ABTB3: variants seen among roughly 807,000 people sequenced by gnomAD.
ABTB3 encodes ankyrin repeat and BTB domain containing 3, also known as ankyrin repeat- and BTB/POZ domain-containing protein 3.
the ABTB3 span, among the ~76,000 whole-genome samples, chr12:107,591,347 C>G: frequency 6.6e-6 from 1 of 152,192 alleles, no homozygotes. Context: ...CAGCGATCCA[C>G]AGTCTGTACA....
the ABTB3 span, among the ~76,000 whole-genome samples, chr12:107,472,048 G>C: frequency 2.0e-5 from 3 of 152,226 alleles, no homozygotes; most frequent in African/African-American, 7.2e-5. Flanking sequence ...GAAGGAAAGA[G>C]CTGGCTACCA....
At chr12:107,522,014 T>A in the ABTB3 span, among the ~76,000 whole-genome samples, 1 of 151,700 alleles carries the variant, frequency 6.6e-6, no homozygotes, top group Admixed American at 6.6e-5. Flanking sequence ...GGCTGGGAAG[T>A]CCAAGATCAA....
chr12:107,433,864 A>G, the ABTB3 span, among the ~76,000 whole-genome samples: 3 of 152,330 alleles, frequency 2.0e-5, no homozygotes. Context: ...CTGGAAGTCC[A>G]AGATCAGGGA....
chr12:107,515,962 C>T, the ABTB3 span, among the ~76,000 whole-genome samples: 1 of 151,772 alleles, frequency 6.6e-6, no homozygotes, highest in African/African-American at 2.4e-5. Context: ...AATGAGAGTG[C>T]CTCACATGTA....
the ABTB3 span, among the ~76,000 whole-genome samples, chr12:107,586,580 C>T: frequency 6.6e-6 from 1 of 152,224 alleles, no homozygotes; most frequent in Non-Finnish European, 1.5e-5. Context: ...GCCGCTGCCT[C>T]CCCCGAACTG....
At chr12:107,431,142 G>A in the ABTB3 span, among the ~76,000 whole-genome samples, 18 of 152,218 alleles carry the variant, frequency 1.2e-4, no homozygotes, top group African/African-American at 4.3e-4. Flanking sequence ...AGACCCAGGT[G>A]GGGGTTATGA....
chr12:107,550,535 A>G, the ABTB3 span, among the ~76,000 whole-genome samples: 3 of 150,052 alleles, frequency 2.0e-5, no homozygotes, highest in East Asian at 5.8e-4. Context: ...ACAACAAAAA[A>G]CTGACAAAAT....
chr12:107,410,384 G>A, the ABTB3 span, among the ~76,000 whole-genome samples: 1 of 152,118 alleles, frequency 6.6e-6, no homozygotes, highest in Non-Finnish European at 1.5e-5. Flanking sequence ...AGGGGAGAGT[G>A]GGTAGAGAGG....
chr12:107,443,720 T>G, the ABTB3 span, among the ~76,000 whole-genome samples: 2 of 147,624 alleles, frequency 1.4e-5, no homozygotes, highest in Non-Finnish European at 3.0e-5. Context: ...AAGGCCCACG[T>G]TCATAATCTA....
At chr12:107,580,409 C>T in the ABTB3 span, among the ~76,000 whole-genome samples, 2 of 152,226 alleles carry the variant, frequency 1.3e-5, no homozygotes, top group Non-Finnish European at 2.9e-5. Context: ...TGTCTCAATG[C>T]GTGCAACAAG....
chr12:107,320,971 C>T, the ABTB3 span, among the ~76,000 whole-genome samples: 22 of 152,260 alleles, frequency 1.4e-4, 1 homozygote, highest in East Asian at 4.3e-3. Context: ...TAGGTTTGAA[C>T]CCGCAGTTCT....
At chr12:107,602,516 A>G in the ABTB3 span, among the ~76,000 whole-genome samples, 1 of 152,222 alleles carries the variant, frequency 6.6e-6, no homozygotes, top group African/African-American at 2.4e-5. Context: ...TACACGAATT[A>G]TCTCATTTAA....
At chr12:107,643,152 T>C in the ABTB3 span, among the ~76,000 whole-genome samples, 1 of 152,044 alleles carries the variant, frequency 6.6e-6, no homozygotes, top group East Asian at 1.9e-4. Context: ...TCCCAGCACT[T>C]TGGGAGGCCA....
the ABTB3 span, among the ~76,000 whole-genome samples, chr12:107,564,434 G>A: frequency 6.6e-6 from 1 of 152,274 alleles, no homozygotes; most frequent in East Asian, 1.9e-4. Flanking sequence ...TTATTTAAAA[G>A]CAGCTGAAAT....
the ABTB3 span, among the ~76,000 whole-genome samples, chr12:107,349,967 GT>G: frequency 6.6e-6 from 1 of 152,184 alleles, no homozygotes; most frequent in South Asian, 2.1e-4. Flanking sequence ...TAGCAGGCTT[GT>G]CAAATACCCC....
chr12:107,362,789 C>T, the ABTB3 span, among the ~76,000 whole-genome samples: 2 of 148,424 alleles, frequency 1.3e-5, no homozygotes, highest in African/African-American at 5.0e-5. Flanking sequence ...CAAACCCTGT[C>T]TAAAAAAAAA....
At chr12:107,392,212 C>T in the ABTB3 span, among the ~76,000 whole-genome samples, 42 of 152,292 alleles carry the variant, frequency 2.8e-4, no homozygotes, top group African/African-American at 8.9e-4. Flanking sequence ...TGTGGCAGGC[C>T]GGGGTCCCTG....
At chr12:107,653,553 A>G in the ABTB3 span, among the ~76,000 whole-genome samples, 2 of 151,744 alleles carry the variant, frequency 1.3e-5, no homozygotes, top group African/African-American at 2.4e-5. Context: ...GAAAAATCAG[A>G]TTGCATGTGA....
At chr12:107,349,754 C>T in the ABTB3 span, among the ~76,000 whole-genome samples, 1 of 152,224 alleles carries the variant, frequency 6.6e-6, no homozygotes, top group Non-Finnish European at 1.5e-5. Flanking sequence ...TGATATTCAA[C>T]TTTAACTGTG....
Sources: allele counts gnomAD v4.1 joint callset (sites outside exome capture counted in the v4.1 genomes callset), GRCh38; gene constraint gnomAD v4.1.1; transcripts MANE v1.5; gene names NCBI Gene and HGNC (gene_info 2026-07-23, HGNC 2026-07-21).